MACROD1: variants seen among roughly 807,000 people sequenced by gnomAD.
MACROD1 encodes ADP-ribose glycohydrolase MACROD1.
A neutral mutation model predicts 41.4 loss-of-function variants in MACROD1; 31 were observed. The observed-to-expected ratio is 0.75, with a 90% CI of 0.56 to 1.01. The LOEUF (loss-of-function observed/expected upper bound fraction) is 1.01, where lower values mean the gene tolerates loss of function less well. Ranked by LOEUF, MACROD1 falls within the 50% of genes least tolerant of loss-of-function variation. The probability of loss-of-function intolerance (pLI) is 0.00; values close to 1 mark genes in which losing one functional copy is unlikely to be tolerated. For missense variants in MACROD1, 473 were observed against 460.0 expected, an observed-to-expected ratio of 1.03 and a Z score of -0.26; for synonymous variants, 252 against 203.4, an observed-to-expected ratio of 1.24 and a Z score of -2.03.
At chr11:64,128,717 C>G (rs1945223044) in intron 3 of MACROD1, among the ~76,000 whole-genome samples, 1 of 151,908 alleles carries the variant, frequency 6.6e-6, no homozygotes, top group Admixed American at 6.6e-5. Flanking sequence ...GACTTCAGGT[C>G]TATGCTGCAC....
Position 64,056,558 on chromosome 11 carries a change from A to C in MACROD1, c.518-41277T>G, listed in dbSNP as rs373979513. Among the ~76,000 whole-genome samples the C allele has an allele frequency of 4.2e-4, 64 of 152,314 alleles. No individual in the cohort carries two copies. In the East Asian group the frequency reaches 7.5e-3, roughly 18 times the overall value. On this transcript the variant is annotated intron_variant, in intron 3 of 10. Coordinates refer to ENST00000255681, the MANE Select transcript of MACROD1 (RefSeq NM_014067.4). ...AGGCAACAGCCGGGGGCCTGGCCCAAACCTCATGCCCCAAAGGCTGCGGCC... is the reference window on the plus strand; with the variant it reads ...AGGCAACAGCCGGGGGCCTGGCCCACACCTCATGCCCCAAAGGCTGCGGCC...
intron 3 of MACROD1, among the ~76,000 whole-genome samples, chr11:64,137,565 T>C (rs1034861082): frequency 3.3e-5 from 5 of 152,150 alleles, no homozygotes; most frequent in Non-Finnish European, 7.3e-5. Context: ...TGCAACAGAT[T>C]TGCTCAGCCT....
chr11:64,048,048 T>C (rs1943618096), intron 3 of MACROD1, among the ~76,000 whole-genome samples: 1 of 152,190 alleles, frequency 6.6e-6, no homozygotes, highest in African/African-American at 2.4e-5. Context: ...TGGCAGGCCC[T>C]GCCCGCCTGA....
chr11:64,093,895 G>T (rs946864379), intron 3 of MACROD1, among the ~76,000 whole-genome samples: 6 of 152,230 alleles, frequency 3.9e-5, no homozygotes, highest in African/African-American at 1.4e-4. Flanking sequence ...GAAGCTGGGG[G>T]CAAGGTGTCC....
In MACROD1 at chr11:64,120,201, A is replaced by G. The variant is rs1378474504; in HGVS notation, c.517+31038T>C. On this transcript the variant is annotated intron_variant, in intron 3 of 10. Coordinates refer to ENST00000255681, the MANE Select transcript of MACROD1 (RefSeq NM_014067.4). The surrounding 1 kb of genome is among the most constrained non-coding windows in gnomAD (Gnocchi z 4.5). ...ACGTGGAAAGTGGAAAAATGGGCACAGGCTCCCAGCACGGCCTGGGGGGGC... is the reference window on the plus strand; with the variant it reads ...ACGTGGAAAGTGGAAAAATGGGCACGGGCTCCCAGCACGGCCTGGGGGGGC... 6.6e-6 allele frequency among the ~76,000 whole-genome samples: 1 copy of G among 152,220 alleles called. No homozygotes were observed. The highest frequency in any genetic ancestry group is 1.9e-4 in the East Asian group (1 of 5,192).
intron 4 of MACROD1, among the ~76,000 whole-genome samples, chr11:64,008,727 C>G (rs1041444330): frequency 2.0e-5 from 3 of 152,196 alleles, no homozygotes; most frequent in African/African-American, 7.2e-5. Flanking sequence ...GCAGGGGCAG[C>G]TGCACCCACA....
At chr11:64,163,298 CA>C (rs1325530001) in intron 1 of MACROD1, among the ~76,000 whole-genome samples, 1 of 151,832 alleles carries the variant, frequency 6.6e-6, no homozygotes, top group Non-Finnish European at 1.5e-5. Context: ...GAAACTGTCT[CA>C]AAAAAAAATT....
chr11:64,095,903 T>A (rs1351648974), intron 3 of MACROD1, among the ~76,000 whole-genome samples: 2 of 152,220 alleles, frequency 1.3e-5, no homozygotes, highest in African/African-American at 2.4e-5. Context: ...GGGAGCTGAC[T>A]GCCTTTGGGC....
intron 3 of MACROD1, among the ~76,000 whole-genome samples, chr11:64,085,361 C>T (rs896315532): frequency 6.6e-5 from 10 of 152,234 alleles, no homozygotes; most frequent in South Asian, 6.2e-4. Flanking sequence ...AAATCGAATT[C>T]GTGCTAATAT....
rs576728518 is a variant in MACROD1 at position 64,009,860 on chromosome 11, A to G, written c.547+5392T>C. ...GTAAAAACAGTGGGCTCGGGCCCCA[A>G]AGCCCTGCAGGCCAGTCCCAGCCCC... On this transcript the variant is annotated intron_variant, in intron 4 of 10. Transcript: ENST00000255681. 7.9e-5 allele frequency among the ~76,000 whole-genome samples: 12 copies of G among 152,360 alleles called. No homozygotes were observed. The South Asian group carries it at 2.5e-3, about 32-fold the overall frequency.
rs551095306 is a variant in MACROD1 at position 64,064,312 on chromosome 11, G to C, written c.518-49031C>G. 2.6e-5 allele frequency among the ~76,000 whole-genome samples: 4 copies of C among 152,342 alleles called. No individual in the cohort carries two copies. The highest frequency in any genetic ancestry group is 1.9e-4 in the East Asian group (1 of 5,182). On this transcript the variant is annotated intron_variant, in intron 3 of 10. Transcript: ENST00000255681. This position sits in a 1 kb window ranked among gnomAD's most constrained non-coding sequence, Gnocchi z 4.5. ...GCAGCCCTGTTCAGGCGGCGGGTAG[G>C]GGGGTGATGTCTCATCAGAAGAGGG...
rs1428081779 is a variant in MACROD1 at position 64,064,558 on chromosome 11, C to T, written c.518-49277G>A. Reference sequence around the variant, plus strand: ...TGGCATGGTCCTTGCCTGAGTCCTGCCTGCTGGCTGACACGGAGCTGGCTT... The same window carrying T: ...TGGCATGGTCCTTGCCTGAGTCCTGTCTGCTGGCTGACACGGAGCTGGCTT... On this transcript the variant is annotated intron_variant, in intron 3 of 10. Coordinates refer to ENST00000255681, the MANE Select transcript of MACROD1 (RefSeq NM_014067.4). This position sits in a 1 kb window ranked among gnomAD's most constrained non-coding sequence, Gnocchi z 4.5. Among the ~76,000 whole-genome samples, 2 of 152,060 alleles carry T rather than the reference C, an allele frequency of 1.3e-5. No individual in the cohort carries two copies. The highest frequency in any genetic ancestry group is 2.9e-5 in the Non-Finnish European group (2 of 67,978).
intron 3 of MACROD1, among the ~76,000 whole-genome samples, chr11:64,059,544 C>A (rs560508194): frequency 6.6e-6 from 1 of 152,318 alleles, no homozygotes; most frequent in African/African-American, 2.4e-5. Context: ...CTGCAGGGTA[C>A]TTCCACCCTC....
chr11:64,012,937 G>A, intron 4 of MACROD1, among the ~76,000 whole-genome samples: 1 of 152,170 alleles, frequency 6.6e-6, no homozygotes, highest in Non-Finnish European at 1.5e-5. Context: ...CCGGGCTCAA[G>A]TGATCCTCCT....
intron 3 of MACROD1, among the ~76,000 whole-genome samples, chr11:64,089,517 GCCT>G (rs1944453298): frequency 6.6e-6 from 1 of 152,194 alleles, no homozygotes; most frequent in Non-Finnish European, 1.5e-5. Flanking sequence ...GCATTCTCCA[GCCT>G]CCTCCTGTTA....
chr11:64,065,529 C>T (rs1324344143), intron 3 of MACROD1, among the ~76,000 whole-genome samples: 2 of 152,144 alleles, frequency 1.3e-5, no homozygotes, highest in Non-Finnish European at 2.9e-5. Flanking sequence ...GTGGCTCATG[C>T]CTGTAATCCC....
intron 3 of MACROD1, among the ~76,000 whole-genome samples, chr11:64,084,093 G>A (rs899846677): frequency 3.3e-5 from 5 of 152,174 alleles, no homozygotes; most frequent in Admixed American, 2.0e-4. Context: ...TCCTGCACAC[G>A]GGCCTGTGTG....
At chr11:64,041,277 G>A (rs972843360) in intron 3 of MACROD1, among the ~76,000 whole-genome samples, 2 of 145,272 alleles carry the variant, frequency 1.4e-5, no homozygotes, top group Non-Finnish European at 1.5e-5. Context: ...AATGCCTTCC[G>A]TGAGGAGCCG....
chr11:64,015,357 A>G, intron 3 of MACROD1, 76 bp from the exon 4 acceptor site: 1 of 1,428,682 alleles, frequency 7.0e-7, no homozygotes, highest in South Asian at 1.3e-5. Context: ...GGGGAGGGTG[A>G]TGTCAAGATG....
Sources: gnomAD v4.1 joint callset for allele counts (sites outside exome capture counted in the v4.1 genomes callset) on GRCh38, gnomAD v4.1.1 for gene constraint, Gnocchi (gnomAD v3.1) non-coding constraint, MANE v1.5 for transcripts, NCBI Gene and HGNC (gene_info 2026-07-23, HGNC 2026-07-21) for gene names.